Variants in TCF20 observed in about 807,000 individuals in gnomAD.
The protein encoded by TCF20 is transcription factor 20, also known as SPRE-binding protein.
Under a neutral mutation model 148.6 loss-of-function variants are expected in TCF20, and 3 were observed. The observed-to-expected ratio is 0.02, with a 90% CI of 0.01 to 0.05. The LOEUF (loss-of-function observed/expected upper bound fraction) is 0.05. Ranked by LOEUF, TCF20 falls within the 10% of genes least tolerant of loss-of-function variation. The probability of loss-of-function intolerance (pLI) is 1.00; values close to 1 mark genes in which losing one functional copy is unlikely to be tolerated. For missense variants in TCF20, 2,350 were observed against 2,429.3 expected (o/e 0.97, Z 0.69); for synonymous variants, 1,049 against 909.5 (o/e 1.15, Z -2.76).
chr22:42,161,153 G>T lies in TCF20; in HGVS notation c.*250C>A. 2.8e-6 allele frequency: 1 copy of T among 353,268 alleles called. No individual in the cohort carries two copies. The highest frequency in any genetic ancestry group is 5.1e-6 in the Non-Finnish European group (1 of 197,020). The allele number at this position is 353,268 out of a possible 1,614,324, so 21.9% of individuals were successfully genotyped here. A position where few individuals can be genotyped will look rare whatever the true frequency, so the allele number is the denominator to read the frequency against. ...CCCACATTGTCACTATGGAGATTGT[G>T]TCCATGGAAACAGCCATTCCAACGT... On this transcript the variant is annotated 3_prime_UTR_variant, in exon 6 of 6. Transcript: ENST00000677622.
At chr22:42,324,220 A>ATAGAGGTTATGG (rs1927826674) in intron 1 of TCF20, among the ~76,000 whole-genome samples, 1 of 134,890 alleles carries the variant, frequency 7.4e-6, no homozygotes. Flanking sequence ...GGAGGTGGTG[A>ATAGAGGTTATGG]TGATGGTGGT....
intron 1 of TCF20, among the ~76,000 whole-genome samples, chr22:42,266,716 T>C (rs1481372010): frequency 6.6e-6 from 1 of 151,328 alleles, no homozygotes; most frequent in Admixed American, 6.6e-5. Context: ...AAAGAGAAGG[T>C]TGCAGTGAGC....
chr22:42,248,563 T>C (rs1925108251), intron 1 of TCF20, among the ~76,000 whole-genome samples: 1 of 152,238 alleles, frequency 6.6e-6, no homozygotes, highest in Non-Finnish European at 1.5e-5. Context: ...TTTGCTGCTA[T>C]ATCTAAACAC....
chr22:42,190,012 A>G (rs1318277239), intron 2 of TCF20, among the ~76,000 whole-genome samples: 2 of 152,202 alleles, frequency 1.3e-5, no homozygotes, highest in Non-Finnish European at 2.9e-5. Context: ...AAAGAAACTT[A>G]TACTTGGCCC....
At chr22:42,309,349 G>A (rs1927491526) in intron 1 of TCF20, among the ~76,000 whole-genome samples, 2 of 151,992 alleles carry the variant, frequency 1.3e-5, no homozygotes, top group Admixed American at 1.3e-4. Context: ...GCAGGACGGG[G>A]GACTACAGAG....
chr22:42,267,204 T>C (rs143478729), intron 1 of TCF20, among the ~76,000 whole-genome samples: 515 of 152,096 alleles, frequency 3.4e-3, no homozygotes, highest in African/African-American at 0.012. Flanking sequence ...GAGGCTGAGG[T>C]TGCAGTGAGC....
chr22:42,288,655 C>T (rs2147024013), upstream of TCF20, among the ~76,000 whole-genome samples: 1 of 143,986 alleles, frequency 6.9e-6, no homozygotes, highest in East Asian at 2.0e-4. Context: ...TTGCAGTGAG[C>T]CGAGATCATG....
chr22:42,276,767 C>T (rs1041871644), intron 1 of TCF20: 1 of 152,142 alleles, frequency 6.6e-6, no homozygotes, highest in Non-Finnish European at 1.5e-5. Context: ...TGAGGTTCCT[C>T]ATCACTGCCC....
At chr22:42,263,067 T>C (rs1461690673) in intron 1 of TCF20, among the ~76,000 whole-genome samples, 2 of 152,154 alleles carry the variant, frequency 1.3e-5, no homozygotes, top group Admixed American at 6.5e-5. Context: ...CCTATTTTAG[T>C]GCCTTCCCCC....
chr22:42,164,962 G>A (rs1935692434), intron 5 of TCF20, among the ~76,000 whole-genome samples: 1 of 152,168 alleles, frequency 6.6e-6, no homozygotes. Context: ...AAGGCAAGGT[G>A]AGATGTCTGG....
In TCF20 at chr22:42,215,004, G is replaced by A. The variant is rs1251517154; in HGVS notation, c.302C>T (p.Thr101Ile). The change falls in exon 2 of 6, where the codon ACA (threonine) becomes ATA (isoleucine). Residue 101 changes from threonine to isoleucine, a missense_variant. Thr to Ile is a moderately conservative substitution (Grantham distance 89, BLOSUM62 -1). This residue lies in a region of TCF20 where 1,641 missense variants were observed against 1,662.6 expected (regional missense o/e 0.99). Coordinates refer to ENST00000677622, the MANE Select transcript of TCF20 (RefSeq NM_001378418.1). ...TCGCTGAGGAGGCTGTGGGGTTCCT[G>A]TAGTCACGGGGTCTTTGTTGCCTGC... ...YMAGNKDPVT[T>I]GTPQPPQRRP... The A allele has an allele frequency of 1.9e-6, 3 of 1,614,212 alleles. No individual in the cohort carries two copies. The highest frequency in any genetic ancestry group is 1.1e-5 in the South Asian group (1 of 91,088).
At chr22:42,248,293 G>A (rs1315696529) in intron 1 of TCF20, among the ~76,000 whole-genome samples, 1 of 152,186 alleles carries the variant, frequency 6.6e-6, no homozygotes, top group Non-Finnish European at 1.5e-5. Flanking sequence ...GGGAGAAACA[G>A]GTTTTGAAGC....
chr22:42,179,546 G>T, intron 3 of TCF20, 63 bp downstream of exon 3: 1 of 978,872 alleles, frequency 1.0e-6, no homozygotes, highest in Non-Finnish European at 1.5e-6. Flanking sequence ...ACAACAGAGA[G>T]AATCAAACTG....
In TCF20 at chr22:42,338,871, C is replaced by G. The variant is rs1327521017; in HGVS notation, c.-37+4608G>C. On this transcript the variant is annotated intron_variant, in intron 1 of 1. Coordinates refer to the TCF20 transcript ENST00000515426. The surrounding 1 kb of genome is among the most constrained non-coding windows in gnomAD (Gnocchi z 4.0). ...CATTATAAATATAAAGGCTAAAATTCTGATTAAAGCCATAATCACGGAGAT... is the reference window on the plus strand; with the variant it reads ...CATTATAAATATAAAGGCTAAAATTGTGATTAAAGCCATAATCACGGAGAT... Among the ~76,000 whole-genome samples, 3 of 152,114 alleles carry G rather than the reference C, an allele frequency of 2.0e-5. No individual in the cohort carries two copies. The highest frequency in any genetic ancestry group is 4.4e-5 in the Non-Finnish European group (3 of 68,016).
intron 1 of TCF20, among the ~76,000 whole-genome samples, chr22:42,224,705 A>C (rs932299058): frequency 7.2e-5 from 11 of 152,166 alleles, no homozygotes; most frequent in South Asian, 2.1e-4. Context: ...AAATTGATTA[A>C]ACAAATTATG....
chr22:42,270,266 C>T (rs909050316), intron 1 of TCF20, among the ~76,000 whole-genome samples, 73 bp downstream of exon 1: 1 of 151,896 alleles, frequency 6.6e-6, no homozygotes, highest in Admixed American at 6.5e-5. Context: ...CCCCCGAGGC[C>T]GGACACCCCG....
intron 2 of TCF20, among the ~76,000 whole-genome samples, chr22:42,197,790 T>A (rs192557430): frequency 1.3e-3 from 197 of 152,216 alleles, no homozygotes; most frequent in Non-Finnish European, 6.0e-4. Context: ...TTAATGGACA[T>A]TAAACACAAA....
chr22:42,251,998 G>A (rs532893814), intron 1 of TCF20, among the ~76,000 whole-genome samples: 1 of 151,250 alleles, frequency 6.6e-6, no homozygotes, highest in East Asian at 2.0e-4. Context: ...GAGGTCGGGA[G>A]TTTGAGACCA....
intron 1 of TCF20, among the ~76,000 whole-genome samples, chr22:42,332,897 T>A (rs1344600893): frequency 2.6e-5 from 4 of 151,086 alleles, no homozygotes; most frequent in African/African-American, 4.9e-5. Context: ...ATGCCAGGAG[T>A]GGGGGCAGCT....
Sources: allele counts gnomAD v4.1 joint callset (sites outside exome capture counted in the v4.1 genomes callset), GRCh38; gene constraint gnomAD v4.1.1; regional missense constraint gnomAD v4.1.1; non-coding constraint Gnocchi (gnomAD v3.1); transcripts MANE v1.5; gene names NCBI Gene and HGNC (gene_info 2026-07-23, HGNC 2026-07-21).